Variants in AGAP1 observed in about 807,000 individuals in gnomAD.
AGAP1 encodes the protein arf-GAP with GTPase, ANK repeat and PH domain-containing protein 1.
A neutral mutation model predicts 105.3 loss-of-function variants in AGAP1; 29 were observed. The observed-to-expected ratio is 0.28, with a 90% CI of 0.21 to 0.38. AGAP1 has a LOEUF of 0.38. Ranked by LOEUF, AGAP1 falls within the 10% of genes least tolerant of loss-of-function variation. The pLI is 1.00. For missense variants in AGAP1, 998 were observed against 1,165.1 expected (o/e 0.86, Z 2.09); for synonymous variants, 509 against 485.9 (o/e 1.05, Z -0.63).
intron 10 of AGAP1, among the ~76,000 whole-genome samples, chr2:235,899,657 A>G (rs1216012948): frequency 2.0e-5 from 3 of 152,204 alleles, no homozygotes; most frequent in Non-Finnish European, 4.4e-5. Flanking sequence ...GGATCTAACT[A>G]TTGATCCAGT....
intron 13 of AGAP1, among the ~76,000 whole-genome samples, chr2:236,004,381 C>CT (rs961163882): frequency 1.3e-5 from 2 of 152,130 alleles, no homozygotes; most frequent in African/African-American, 2.4e-5. Flanking sequence ...TAAGCACAAA[C>CT]TTTTTTTCCC....
rs1488558014 is a variant in AGAP1 at position 235,635,034 on chromosome 2, T to C, written c.164-74145T>C. Among the ~76,000 whole-genome samples the C allele has an allele frequency of 1.3e-5, 2 of 152,054 alleles. No homozygotes were observed. The highest frequency in any genetic ancestry group is 4.2e-4 in the South Asian group (2 of 4,818). The stretch of plus-strand genomic sequence containing the variant: ...CTGCATGGAATTTCCTGTGGCGCTT[T>C]CTCAATTCTGGGACCAGTTTTCCCT... On this transcript the variant is annotated intron_variant, in intron 1 of 17. Transcript: ENST00000304032. The surrounding 1 kb of genome is among the most constrained non-coding windows in gnomAD (Gnocchi z 5.3).
In AGAP1 at chr2:235,701,411, A is replaced by G. The variant is rs1419414954; in HGVS notation, c.164-7768A>G. ...TACCTGCAGGGGTGGGCATGGTGGCATCTTGGTGGCCAGGTGTTCGTCACC... is the reference window on the plus strand; with the variant it reads ...TACCTGCAGGGGTGGGCATGGTGGCGTCTTGGTGGCCAGGTGTTCGTCACC... On this transcript the variant is annotated intron_variant, in intron 1 of 17. Coordinates refer to ENST00000304032, the MANE Select transcript of AGAP1 (RefSeq NM_001037131.3). The surrounding 1 kb of genome is among the most constrained non-coding windows in gnomAD (Gnocchi z 4.1). Among the ~76,000 whole-genome samples the G allele has an allele frequency of 6.6e-6, 1 of 152,014 alleles. No individual in the cohort carries two copies. The highest frequency in any genetic ancestry group is 1.5e-5 in the Non-Finnish European group (1 of 67,986).
At position 235,976,129 on chromosome 2, in the gene AGAP1, T is replaced by A. The variant is rs1448771102; in HGVS notation, c.1645+7506T>A. ...CACTCTGCTAAGGATATCAGGAGAC[T>A]GGCTGGGTTTCATCACCCTTGGGCT... On this transcript the variant is annotated intron_variant, in intron 13 of 17. Transcript: ENST00000304032. The surrounding 1 kb of genome is among the most constrained non-coding windows in gnomAD (Gnocchi z 4.5). Among the ~76,000 whole-genome samples the A allele has an allele frequency of 1.3e-5, 2 of 152,202 alleles. No individual in the cohort carries two copies. The highest frequency in any genetic ancestry group is 4.8e-5 in the African/African-American group (2 of 41,468).
At chr2:235,686,165 T>C (rs1208509826) in intron 1 of AGAP1, among the ~76,000 whole-genome samples, 2 of 152,104 alleles carry the variant, frequency 1.3e-5, no homozygotes, top group Non-Finnish European at 2.9e-5. Context: ...TAAAGATGTA[T>C]CTCATCCAGT....
chr2:235,980,603 C>T (rs551034869), intron 13 of AGAP1, among the ~76,000 whole-genome samples: 36 of 152,260 alleles, frequency 2.4e-4, no homozygotes, highest in African/African-American at 6.0e-4. Flanking sequence ...CGGATTGATC[C>T]GGGGGAGGCT....
chr2:235,591,377 T>G (rs571827309), intron 1 of AGAP1, among the ~76,000 whole-genome samples: 65 of 151,670 alleles, frequency 4.3e-4, no homozygotes, highest in African/African-American at 1.5e-3. Context: ...GGGAGTGGAG[T>G]GGGAAGCAAT....
At chr2:235,746,421 G>C (rs1263977998) in intron 5 of AGAP1, among the ~76,000 whole-genome samples, 12 of 81,518 alleles carry the variant, frequency 1.5e-4, no homozygotes, top group Non-Finnish European at 2.3e-4. Flanking sequence ...TAAAGCGTAC[G>C]TGGTCGCTCT....
At chr2:235,717,716 A>G (rs1951190534) in intron 3 of AGAP1, 72 bp downstream of exon 3, 2 of 1,308,026 alleles carry the variant, frequency 1.5e-6, no homozygotes, top group East Asian at 2.4e-5. Flanking sequence ...CATATTATAA[A>G]TCATGACTTT....
rs373927513 is a variant in AGAP1 at position 235,744,656 on chromosome 2, G to C, written c.397-42G>C. 5.6e-6 allele frequency: 9 copies of C among 1,611,648 alleles called. No homozygotes were observed. Among genetic ancestry groups the C allele is most frequent in the African/African-American group, 1.3e-5 (1 of 74,852 alleles). ...GACATCTCTGTTCTTAATCAAGCCTGCTCACTCAGCTCCTGCTCTCCTCCC... is the reference window on the plus strand; with the variant it reads ...GACATCTCTGTTCTTAATCAAGCCTCCTCACTCAGCTCCTGCTCTCCTCCC... On this transcript the variant is annotated intron_variant, in intron 4 of 17. Coordinates refer to ENST00000304032, the MANE Select transcript of AGAP1 (RefSeq NM_001037131.3). The surrounding 1 kb of genome is among the most constrained non-coding windows in gnomAD (Gnocchi z 5.2).
At chr2:235,563,796 C>T (rs73996167) in intron 1 of AGAP1, among the ~76,000 whole-genome samples, 1,595 of 152,244 alleles carry the variant, frequency 0.01, 23 homozygotes, top group African/African-American at 0.035. Flanking sequence ...AGGCACTGTG[C>T]TGGCTGCTGA....
At chr2:235,987,002 G>A (rs1014299638) in intron 13 of AGAP1, among the ~76,000 whole-genome samples, 1 of 152,094 alleles carries the variant, frequency 6.6e-6, no homozygotes, top group Non-Finnish European at 1.5e-5. Context: ...GAGTTAGGGA[G>A]GAATGTCTCC....
chr2:235,647,004 C>G (rs1339790055), intron 1 of AGAP1, among the ~76,000 whole-genome samples: 3 of 151,858 alleles, frequency 2.0e-5, no homozygotes, highest in East Asian at 1.9e-4. Flanking sequence ...GGCGTGGTGG[C>G]AGGCGCCTGT....
At chr2:235,837,519 C>T (rs916447107) in intron 9 of AGAP1, among the ~76,000 whole-genome samples, 1 of 152,106 alleles carries the variant, frequency 6.6e-6, no homozygotes, top group Non-Finnish European at 1.5e-5. Flanking sequence ...AGCTGTGAGC[C>T]TCAGGCAAAC....
At chr2:235,513,635 G>A (rs1256072534) in intron 1 of AGAP1, among the ~76,000 whole-genome samples, 2 of 152,002 alleles carry the variant, frequency 1.3e-5, no homozygotes, top group Non-Finnish European at 2.9e-5. Flanking sequence ...GAGCCCCCTG[G>A]CAAGGCTGCT....
rs1359814042 is a variant in AGAP1 at position 235,700,831 on chromosome 2, A to G, written c.164-8348A>G. ...TCTCTCTCTCTCTCTGTGTATATAT[A>G]GTATATATTATATATGTATATATTG... On this transcript the variant is annotated intron_variant, in intron 1 of 17. Coordinates refer to ENST00000304032, the MANE Select transcript of AGAP1 (RefSeq NM_001037131.3). This position sits in a 1 kb window ranked among gnomAD's most constrained non-coding sequence, Gnocchi z 6.1. 6.7e-6 allele frequency among the ~76,000 whole-genome samples: 1 copy of G among 148,768 alleles called. No individual in the cohort carries two copies. Among genetic ancestry groups the G allele is most frequent in the Non-Finnish European group, 1.5e-5 (1 of 67,452 alleles).
At chr2:235,937,690 G>A (rs1426457828) in intron 12 of AGAP1, among the ~76,000 whole-genome samples, 7 of 152,190 alleles carry the variant, frequency 4.6e-5, no homozygotes, top group South Asian at 4.1e-4. Context: ...CCAGGGGCTC[G>A]CAGCCAGGGG....
chr2:235,687,899 CTT>C (rs10670064), intron 1 of AGAP1, among the ~76,000 whole-genome samples: 1 of 89,656 alleles, frequency 1.1e-5, no homozygotes, highest in African/African-American at 4.4e-5. Context: ...CGCTCTCTGA[CTT>C]TTTTTTTTTT....
rs1454707680 is a variant in AGAP1 at position 235,866,801 on chromosome 2, G to C, written c.1051-16544G>C. On this transcript the variant is annotated intron_variant, in intron 9 of 17. Coordinates refer to ENST00000304032, the MANE Select transcript of AGAP1 (RefSeq NM_001037131.3). The surrounding 1 kb of genome is among the most constrained non-coding windows in gnomAD (Gnocchi z 6.1). The stretch of plus-strand genomic sequence containing the variant: ...AGCCATCTTCTCCCTGTGTCTTCAC[G>C]TGGTCTTTCTCCGTGAGTGTCTGTG... Among the ~76,000 whole-genome samples, 1 of 152,176 alleles carries C rather than the reference G, an allele frequency of 6.6e-6. No homozygotes were observed. The highest frequency in any genetic ancestry group is 1.5e-5 in the Non-Finnish European group (1 of 68,036).
Sources: allele counts gnomAD v4.1 joint callset (sites outside exome capture counted in the v4.1 genomes callset), GRCh38; gene constraint gnomAD v4.1.1; non-coding constraint Gnocchi (gnomAD v3.1); transcripts MANE v1.5; gene names NCBI Gene and HGNC (gene_info 2026-07-23, HGNC 2026-07-21).